FOXN3: variants seen among roughly 807,000 people sequenced by gnomAD.
The protein encoded by FOXN3 is forkhead box N3, also known as forkhead box protein N3.
Under a neutral mutation model 38.4 loss-of-function variants are expected in FOXN3, and 7 were observed. The ratio of observed to expected loss-of-function variants is 0.18; its 90% CI spans 0.10 to 0.34. FOXN3 has a LOEUF of 0.34. Among genes scored for constraint, FOXN3 ranks in the 10% least tolerant of loss-of-function variants. The pLI is 1.00. For synonymous variants in FOXN3, 230 were observed against 242.2 expected (o/e 0.95, Z 0.47); for missense variants, 456 against 613.4 (o/e 0.74, Z 2.71).
Position 89,503,311 on chromosome 14 carries a change from G to GA in FOXN3, c.-14-90822dup, listed in dbSNP as rs373914127. ...AAGAATGCAAATCAACCAAAATGAA[G>GA]AAAAAAAAAACCCATACAGCTGGTT... On this transcript the variant is annotated intron_variant, in intron 1 of 6. Coordinates refer to the FOXN3 transcript ENST00000345097. Among the ~76,000 whole-genome samples, 280 of 143,050 alleles carry GA rather than the reference G, an allele frequency of 2.0e-3. 1 individual carries two copies. Among genetic ancestry groups the GA allele is most frequent in the African/African-American group, 6.4e-3 (252 of 39,092 alleles). The allele number at this position is 143,050 out of a possible 152,430, so 93.8% of individuals were successfully genotyped here.
chr14:89,490,029 C>T (rs2139772778), intron 1 of FOXN3, among the ~76,000 whole-genome samples: 1 of 152,350 alleles, frequency 6.6e-6, no homozygotes, highest in East Asian at 1.9e-4. Flanking sequence ...GTTGCAGCCA[C>T]ATTCCCCTCC....
At chr14:89,481,042 A>T (rs966306266) in intron 1 of FOXN3, among the ~76,000 whole-genome samples, 1 of 148,116 alleles carries the variant, frequency 6.8e-6, no homozygotes, top group Non-Finnish European at 1.5e-5. Flanking sequence ...ATGGCTTTTT[A>T]TTTGATAATA....
chr14:89,350,817 A>G lies in FOXN3; in HGVS notation c.544-9T>C. On this transcript the variant is annotated splice_polypyrimidine_tract_variant and intron_variant, in intron 2 of 5. Transcript: ENST00000557258. The stretch of plus-strand genomic sequence containing the variant: ...GACCCTTTCCCAATACTCTGCAAAG[A>G]AAATTAAAATACAAAGGCATTAATA... 1 of 1,532,378 alleles carries G rather than the reference A, an allele frequency of 6.5e-7. No individual in the cohort carries two copies. The highest frequency in any genetic ancestry group is 8.7e-7 in the Non-Finnish European group (1 of 1,145,206). 94.9% of individuals were successfully genotyped at this position (1,532,378 alleles called of 1,614,324 possible). A position where few individuals can be genotyped will look rare whatever the true frequency, so the allele number is the denominator to read the frequency against.
Position 89,360,757 on chromosome 14 carries a change from C to G in FOXN3, c.544-9949G>C, listed in dbSNP as rs1596216772. Among the ~76,000 whole-genome samples, 2 of 111,094 alleles carry G rather than the reference C, an allele frequency of 1.8e-5. 1 individual carries two copies. Among genetic ancestry groups the G allele is most frequent in the Non-Finnish European group, 3.7e-5 (2 of 54,720 alleles). 72.9% of individuals were successfully genotyped at this position (111,094 alleles called of 152,430 possible). A position where few individuals can be genotyped will look rare whatever the true frequency, so the allele number is the denominator to read the frequency against. On this transcript the variant is annotated intron_variant, in intron 2 of 5. Transcript: ENST00000557258. The stretch of plus-strand genomic sequence containing the variant: ...ACCTCCAGCACCACCTCCACCACCA[C>G]CTCCACCACTACCACCTCCACCACC...
Position 89,201,930 on chromosome 14 carries a change from A to AG in FOXN3, c.746-21125dup, listed in dbSNP as rs1443522287. ...CCCAGCAGGCATGGCAGTGCTTGTC[A>AG]GTGCTGAGAATTGAGTATTTCCACA... On this transcript the variant is annotated intron_variant, in intron 4 of 5. Transcript: ENST00000557258. Among the ~76,000 whole-genome samples, 10 of 152,254 alleles carry AG rather than the reference A, an allele frequency of 6.6e-5. No individual in the cohort carries two copies. In the East Asian group the frequency reaches 1.9e-3, roughly 29 times the overall value.
At chr14:89,614,909 C>A (rs960902592) in intron 1 of FOXN3, among the ~76,000 whole-genome samples, 1 of 152,176 alleles carries the variant, frequency 6.6e-6, no homozygotes, top group Non-Finnish European at 1.5e-5. Flanking sequence ...CAAATGGAGG[C>A]GGATGCATTT....
At chr14:89,561,536 G>A (rs987242264) in intron 1 of FOXN3, among the ~76,000 whole-genome samples, 1 of 152,176 alleles carries the variant, frequency 6.6e-6, no homozygotes, top group African/African-American at 2.4e-5. Flanking sequence ...CAGACATTAG[G>A]GAAATATGGT....
intron 1 of FOXN3, among the ~76,000 whole-genome samples, chr14:89,593,650 TA>T (rs1488163689): frequency 2.6e-5 from 4 of 152,228 alleles, no homozygotes; most frequent in Admixed American, 1.3e-4. Flanking sequence ...TTTTTAAATA[TA>T]ATTTTTTAAA....
intron 1 of FOXN3, among the ~76,000 whole-genome samples, chr14:89,489,479 C>A (rs1893527887): frequency 6.6e-6 from 1 of 152,116 alleles, no homozygotes; most frequent in South Asian, 2.1e-4. Context: ...TCAACCAAAC[C>A]ATTCTCCCAA....
chr14:89,175,209 T>C (rs1319436867), intron 5 of FOXN3, among the ~76,000 whole-genome samples: 7 of 152,346 alleles, frequency 4.6e-5, no homozygotes, highest in Non-Finnish European at 8.8e-5. Flanking sequence ...CCATGGGAAG[T>C]GCAGTTTTTC....
At chr14:89,562,277 T>C (rs7155217) in intron 1 of FOXN3, among the ~76,000 whole-genome samples, 7,623 of 152,216 alleles carry the variant, frequency 0.05, 642 homozygotes, top group African/African-American at 0.17. Flanking sequence ...GTTTGTTTTT[T>C]TGAGACAGAG....
chr14:89,275,963 C>T (rs1419081427), intron 4 of FOXN3, among the ~76,000 whole-genome samples: 2 of 152,148 alleles, frequency 1.3e-5, no homozygotes, highest in Admixed American at 6.5e-5. Context: ...TACATTAGCT[C>T]GTCCAGTGTG....
intron 1 of FOXN3, among the ~76,000 whole-genome samples, chr14:89,618,277 C>T (rs958017327): frequency 6.6e-6 from 1 of 152,186 alleles, no homozygotes; most frequent in African/African-American, 2.4e-5. Context: ...AATAATCCCA[C>T]AATTAAAACC....
rs537296926 is a variant in FOXN3, at chr14:89,298,417, C to T, written c.681-17403G>A. Among the ~76,000 whole-genome samples the T allele has an allele frequency of 2.0e-5, 3 of 147,750 alleles. No homozygotes were observed. In the East Asian group the frequency reaches 6.0e-4, roughly 30 times the overall value. On this transcript the variant is annotated intron_variant, in intron 3 of 5. Coordinates refer to ENST00000557258, the MANE Select transcript of FOXN3 (RefSeq NM_005197.4). ...CACTGAACTGTAAACTTTAAAAATG[C>T]CTGGATGGCGCCACTGCACTCCAGC...
intron 1 of FOXN3, among the ~76,000 whole-genome samples, chr14:89,437,266 G>T (rs1892292839): frequency 1.3e-5 from 2 of 152,056 alleles, no homozygotes. Context: ...GAGAATTCAT[G>T]AGTGGAGATT....
intron 4 of FOXN3, among the ~76,000 whole-genome samples, chr14:89,248,320 T>A (rs1885354956): frequency 6.6e-6 from 1 of 152,230 alleles, no homozygotes; most frequent in Non-Finnish European, 1.5e-5. Context: ...CAGTTTTAGT[T>A]CCACCTTCCA....
intron 3 of FOXN3, among the ~76,000 whole-genome samples, chr14:89,345,846 G>A (rs1188089939): frequency 2.0e-5 from 3 of 152,238 alleles, no homozygotes; most frequent in Admixed American, 2.0e-4. Context: ...AAGGTCAGGA[G>A]TTCAAGACCA....
rs561442923 is a variant in FOXN3, at chr14:89,548,999, A to G, written c.-15+70029T>C. Among the ~76,000 whole-genome samples the G allele has an allele frequency of 4.6e-5, 7 of 152,072 alleles. No individual in the cohort carries two copies. The East Asian group carries it at 9.7e-4, about 21-fold the overall frequency. On this transcript the variant is annotated intron_variant, in intron 1 of 6. Coordinates refer to the FOXN3 transcript ENST00000345097. This position sits in a 1 kb window ranked among gnomAD's most constrained non-coding sequence, Gnocchi z 4.8. ...CCAGGCGTAGTGGCCGGTGCTTGTA[A>G]TCCCAGCTACTCGGGAGGCTGAGAC...
rs191181270 is a variant in FOXN3, at chr14:89,306,623, T to C, written c.681-25609A>G. 2.9e-3 allele frequency among the ~76,000 whole-genome samples: 443 copies of C among 152,204 alleles called. 5 individuals carry two copies. Among genetic ancestry groups the C allele is most frequent in the African/African-American group, 9.8e-3 (405 of 41,514 alleles). On this transcript the variant is annotated intron_variant, in intron 3 of 5. Transcript: ENST00000557258. ...AACTCGTGATCCGCCCGCCTCAGCC[T>C]TCCAAAGTGCTGGGATTACAGGCGT...
Sources: allele counts gnomAD v4.1 joint callset (sites outside exome capture counted in the v4.1 genomes callset), GRCh38; gene constraint gnomAD v4.1.1; non-coding constraint Gnocchi (gnomAD v3.1); transcripts MANE v1.5; gene names NCBI Gene and HGNC (gene_info 2026-07-23, HGNC 2026-07-21).